CHD1: variants seen among roughly 807,000 people sequenced by gnomAD.
CHD1 encodes chromodomain helicase DNA binding protein 1.
Under a neutral mutation model 224.2 loss-of-function variants are expected in CHD1, and 36 were observed. The observed-to-expected ratio is 0.16, with a 90% CI of 0.12 to 0.21. CHD1 has a LOEUF of 0.21. Ranked by LOEUF, CHD1 falls within the 10% of genes least tolerant of loss-of-function variation. The pLI is 1.00. For synonymous variants in CHD1, 668 were observed against 658.3 expected (o/e 1.01, Z -0.23); for missense variants, 1,378 against 1,994.8 (o/e 0.69, Z 5.89).
intron 2 of CHD1, 73 bp from the exon 3 acceptor site, chr5:98,905,171 G>A (rs1343155102): frequency 3.9e-6 from 6 of 1,554,600 alleles, no homozygotes; most frequent in South Asian, 3.5e-5. Flanking sequence ...TCAGCAGAAA[G>A]CCCCAAATCA....
intron 31 of CHD1, among the ~76,000 whole-genome samples, chr5:98,865,976 T>C (rs1376688399): frequency 6.6e-6 from 1 of 151,984 alleles, no homozygotes; most frequent in Non-Finnish European, 1.5e-5. Flanking sequence ...TGGCAAGAGA[T>C]ACAATTTCAC....
intron 22 of CHD1, among the ~76,000 whole-genome samples, chr5:98,879,952 C>A (rs1181451288): frequency 1.3e-5 from 2 of 152,174 alleles, no homozygotes; most frequent in Non-Finnish European, 2.9e-5. Context: ...TTTTGCCCTA[C>A]TGCTCAACAA....
chr5:98,870,619 T>C, intron 29 of CHD1, 68 bp downstream of exon 29: 3 of 783,082 alleles, frequency 3.8e-6, no homozygotes, highest in South Asian at 1.8e-5. Context: ...ATGTTTAGCA[T>C]GGTGAAGTAA....
At chr5:98,872,339 C>T (rs1206048707) in intron 27 of CHD1, 78 bp downstream of exon 27, 1 of 1,473,444 alleles carries the variant, frequency 6.8e-7, no homozygotes, top group Non-Finnish European at 9.3e-7. Flanking sequence ...TAGCCAATAA[C>T]ACCATAAAAA....
Position 98,928,806 on chromosome 5 carries a change from T to TCGCCGC in CHD1, c.-422_-417dup, listed in dbSNP as rs376566244. The TCGCCGC allele has an allele frequency of 1.5e-4, 24 of 159,352 alleles. No individual in the cohort carries two copies. Among genetic ancestry groups the TCGCCGC allele is most frequent in the South Asian group, 4.9e-4 (3 of 6,170 alleles). 9.9% of individuals were successfully genotyped at this position (159,352 alleles called of 1,614,324 possible). A position where few individuals can be genotyped will look rare whatever the true frequency, so the allele number is the denominator to read the frequency against. ...AGCAAGAGCTATAAGTAACCAGTCG[T>TCGCCGC]CGCCGCCGCCGCCGCCGCCGTCGCG... On this transcript the variant is annotated 5_prime_UTR_variant, in exon 1 of 36. Transcript: ENST00000614616.
chr5:98,891,010 T>C lies in CHD1; in HGVS notation c.2180+1515A>G, dbSNP rs114933830. On this transcript the variant is annotated intron_variant, in intron 15 of 35. Coordinates refer to ENST00000614616, the MANE Select transcript of CHD1 (RefSeq NM_001270.4). ...AAAACTTGAACACTGATACTGAATA[T>C]TGGTATCAAGAAATTGATTCTGCTG... Among the ~76,000 whole-genome samples the C allele has an allele frequency of 8.7e-4, 133 of 152,320 alleles. 2 individuals carry two copies. In the South Asian group the frequency reaches 0.021, roughly 24 times the overall value.
At chr5:98,884,794 G>A (rs370308277) in intron 18 of CHD1, among the ~76,000 whole-genome samples, 38 of 150,174 alleles carry the variant, frequency 2.5e-4, no homozygotes, top group East Asian at 2.3e-3. Context: ...ATGGCTCACC[G>A]CAGCCTCAAA....
chr5:98,898,850 CA>C (rs1293592215), intron 8 of CHD1, 86 bp from the exon 9 acceptor site: 15 of 734,608 alleles, frequency 2.0e-5, no homozygotes, highest in Non-Finnish European at 3.0e-5. Context: ...ATTTGTAGCA[CA>C]AAATCTCCCA....
At chr5:98,898,633 G>T in intron 9 of CHD1, 31 bp downstream of exon 9, 2 of 1,377,852 alleles carry the variant, frequency 1.5e-6, no homozygotes, top group Non-Finnish European at 2.0e-6. Context: ...AGCATAAAAA[G>T]AAAGTTTAAC....
At chr5:98,869,911 A>G (rs1006425979) in intron 29 of CHD1, 29 bp from the exon 30 acceptor site, 1 of 1,523,822 alleles carries the variant, frequency 6.6e-7, no homozygotes, top group African/African-American at 1.4e-5. Flanking sequence ...ATTTTAACCA[A>G]TTCTACAGAT....
intron 2 of CHD1, among the ~76,000 whole-genome samples, chr5:98,917,819 G>A (rs1369811973): frequency 6.6e-6 from 1 of 152,130 alleles, no homozygotes; most frequent in African/African-American, 2.4e-5. Flanking sequence ...AACATTTAAA[G>A]TTGACTTCTG....
chr5:98,861,820 G>A (rs1487137446), intron 32 of CHD1, among the ~76,000 whole-genome samples: 3 of 151,930 alleles, frequency 2.0e-5, no homozygotes, highest in Non-Finnish European at 4.4e-5. Flanking sequence ...CTGTTCTTGA[G>A]GGGATCGGGT....
intron 29 of CHD1, 37 bp from the exon 30 acceptor site, chr5:98,869,919 GATTTC>G (rs1165210105): frequency 4.0e-6 from 6 of 1,506,622 alleles, no homozygotes; most frequent in Non-Finnish European, 3.6e-6. Flanking sequence ...CAATTCTACA[GATTTC>G]ATTTTTAAAA....
Position 98,892,181 on chromosome 5 carries a change from G to A in CHD1, c.2180+344C>T, listed in dbSNP as rs542343742. Among the ~76,000 whole-genome samples, 27 of 152,144 alleles carry A rather than the reference G, an allele frequency of 1.8e-4. No individual in the cohort carries two copies. The East Asian group carries it at 3.7e-3, about 21-fold the overall frequency. ...AGCAGAGCCTAAAATTTTTTTCTAAGTTTCTTTTTTTGGCCTCTGTTAATT... is the reference window on the plus strand; with the variant it reads ...AGCAGAGCCTAAAATTTTTTTCTAAATTTCTTTTTTTGGCCTCTGTTAATT... On this transcript the variant is annotated intron_variant, in intron 15 of 35. Coordinates refer to ENST00000614616, the MANE Select transcript of CHD1 (RefSeq NM_001270.4).
chr5:98,894,889 T>G (rs1047396349), intron 12 of CHD1, among the ~76,000 whole-genome samples: 2 of 151,950 alleles, frequency 1.3e-5, no homozygotes, highest in Admixed American at 6.6e-5. Context: ...TGGCGTGATC[T>G]CGGCTCACCA....
Position 98,901,258 on chromosome 5 carries a change from T to C in CHD1, c.515A>G (p.Lys172Arg). The change falls in exon 6 of 36, where the codon AAA becomes AGA. Residue 172 changes from lysine to arginine, a missense_variant. Transcript: ENST00000614616. ...AGATTCTGTTTCATCACAACTGCTT[T>C]TCTCTCTCTCTTCTTCAGATTCTGA... ...SDSESEEERE[K>R]SSCDETESDY... The C allele has an allele frequency of 6.2e-7, 1 of 1,613,966 alleles. No homozygotes were observed.
At chr5:98,869,918 A>C in intron 29 of CHD1, 36 bp from the exon 30 acceptor site, 1 of 1,511,286 alleles carries the variant, frequency 6.6e-7, no homozygotes, top group Non-Finnish European at 9.1e-7. Flanking sequence ...CCAATTCTAC[A>C]GATTTCATTT....
chr5:98,887,839 T>C (rs954473649), intron 17 of CHD1, among the ~76,000 whole-genome samples: 4 of 151,698 alleles, frequency 2.6e-5, no homozygotes, highest in Admixed American at 2.6e-4. Flanking sequence ...AAAGCAAGCA[T>C]AGAAGAAAAA....
At chr5:98,881,044 G>A (rs1336777885) in intron 22 of CHD1, 32 bp downstream of exon 22, 1 of 1,240,416 alleles carries the variant, frequency 8.1e-7, no homozygotes, top group Non-Finnish European at 1.2e-6. Flanking sequence ...CTCAATTTAT[G>A]TAATTACAAG....
Sources: allele counts gnomAD v4.1 joint callset (sites outside exome capture counted in the v4.1 genomes callset), GRCh38; gene constraint gnomAD v4.1.1; transcripts MANE v1.5; gene names NCBI Gene and HGNC (gene_info 2026-07-23, HGNC 2026-07-21).